RABGAP1L: variants seen among roughly 807,000 people sequenced by gnomAD.
RABGAP1L encodes the protein RAB GTPase activating protein 1 like.
RABGAP1L carries 63 observed loss-of-function variants against 137.7 expected under a neutral mutation model. The ratio of observed to expected loss-of-function variants is 0.46; its 90% CI spans 0.37 to 0.56. The LOEUF (loss-of-function observed/expected upper bound fraction) is 0.56. Among genes scored for constraint, RABGAP1L ranks in the 20% least tolerant of loss-of-function variants. RABGAP1L has a pLI of 0.00. For missense variants in RABGAP1L, 1,095 were observed against 1,244.0 expected (o/e 0.88, Z 1.80); for synonymous variants, 431 against 433.7 (o/e 0.99, Z 0.08).
intron 18 of RABGAP1L, among the ~76,000 whole-genome samples, chr1:174,771,178 A>T (rs1024656490): frequency 6.6e-6 from 1 of 152,204 alleles, no homozygotes; most frequent in African/African-American, 2.4e-5. Context: ...GCAGGATACG[A>T]TTCTGAGGGG....
intron 10 of RABGAP1L, among the ~76,000 whole-genome samples, chr1:174,280,075 G>GAGAGAGAT: frequency 6.6e-6 from 1 of 151,766 alleles, no homozygotes; most frequent in African/African-American, 2.4e-5. Flanking sequence ...GAGAGAGAGA[G>GAGAGAGAT]AGAGAGAGAG....
At chr1:174,931,802 T>A (rs1663836237) in intron 19 of RABGAP1L, among the ~76,000 whole-genome samples, 1 of 152,056 alleles carries the variant, frequency 6.6e-6, no homozygotes, top group Non-Finnish European at 1.5e-5. Flanking sequence ...TATATTGCCT[T>A]TTATTACTTC....
chr1:174,429,297 G>A (rs1457344042), intron 13 of RABGAP1L, among the ~76,000 whole-genome samples: 1 of 152,072 alleles, frequency 6.6e-6, no homozygotes, highest in Non-Finnish European at 1.5e-5. Flanking sequence ...GTTTTTTGAA[G>A]GCATTATATT....
chr1:174,566,482 T>G (rs1204273822), intron 13 of RABGAP1L, among the ~76,000 whole-genome samples: 1 of 152,146 alleles, frequency 6.6e-6, no homozygotes, highest in Non-Finnish European at 1.5e-5. Flanking sequence ...TAAGACTGCA[T>G]AATCCAGCAA....
At chr1:174,736,342 A>T (rs1682941111) in intron 17 of RABGAP1L, among the ~76,000 whole-genome samples, 1 of 152,200 alleles carries the variant, frequency 6.6e-6, no homozygotes, top group South Asian at 2.1e-4. Flanking sequence ...GCTCCTAAAT[A>T]ATCCTTGTTT....
At chr1:174,812,085 C>A in intron 19 of RABGAP1L, 125 bp downstream of exon 19, 2 of 882,538 alleles carry the variant, frequency 2.3e-6, no homozygotes, top group Non-Finnish European at 3.1e-6. Context: ...TGTGTATGAA[C>A]TGATTTCTCC....
chr1:174,477,449 GT>G (rs1483985603), intron 13 of RABGAP1L, among the ~76,000 whole-genome samples: 1 of 152,134 alleles, frequency 6.6e-6, no homozygotes, highest in South Asian at 2.1e-4. Context: ...CTTATTTCTA[GT>G]GTAGAAAGTA....
chr1:174,801,825 T>G (rs1468268536), intron 18 of RABGAP1L, among the ~76,000 whole-genome samples: 1 of 152,180 alleles, frequency 6.6e-6, no homozygotes, highest in Non-Finnish European at 1.5e-5. Flanking sequence ...GCATTTTATT[T>G]CAGGAGTTTT....
At chr1:174,932,593 T>C (rs1329893949) in intron 19 of RABGAP1L, among the ~76,000 whole-genome samples, 1 of 152,202 alleles carries the variant, frequency 6.6e-6, no homozygotes, top group African/African-American at 2.4e-5. Context: ...TGCAAGGTTC[T>C]TTATGTAAAG....
intron 11 of RABGAP1L, among the ~76,000 whole-genome samples, chr1:174,349,539 A>C (rs1442650617): frequency 8.1e-6 from 1 of 122,702 alleles, no homozygotes; most frequent in Non-Finnish European, 1.7e-5. Flanking sequence ...GGCCGGGCAG[A>C]GGCGCCCCTC....
At chr1:174,536,320 C>T (rs1225291539) in intron 13 of RABGAP1L, among the ~76,000 whole-genome samples, 1 of 151,022 alleles carries the variant, frequency 6.6e-6, no homozygotes, top group Non-Finnish European at 1.5e-5. Flanking sequence ...TTTTAACTTT[C>T]TGAAACTGTG....
At chr1:174,503,135 A>T (rs1231746774) in intron 13 of RABGAP1L, among the ~76,000 whole-genome samples, 2 of 152,084 alleles carry the variant, frequency 1.3e-5, no homozygotes, top group Non-Finnish European at 2.9e-5. Flanking sequence ...GCAAACTATG[A>T]CCTGGAGTCC....
intron 17 of RABGAP1L, among the ~76,000 whole-genome samples, chr1:174,738,744 A>G (rs983376336): frequency 6.6e-6 from 1 of 152,240 alleles, no homozygotes; most frequent in African/African-American, 2.4e-5. Context: ...TTTATAGTAT[A>G]GTATTAATGA....
intron 14 of RABGAP1L, among the ~76,000 whole-genome samples, chr1:174,675,626 A>C (rs1677564880): frequency 6.6e-6 from 1 of 152,116 alleles, no homozygotes; most frequent in South Asian, 2.1e-4. Context: ...TTCTGTGAAG[A>C]AAGTCATTGG....
intron 13 of RABGAP1L, among the ~76,000 whole-genome samples, chr1:174,566,407 T>C (rs1417313398): frequency 6.6e-6 from 1 of 152,150 alleles, no homozygotes; most frequent in Admixed American, 6.6e-5. Context: ...GTAATTGTTA[T>C]TCACCCTGCT....
At chr1:174,300,878 G>A (rs1457608953) in intron 10 of RABGAP1L, among the ~76,000 whole-genome samples, 1 of 152,152 alleles carries the variant, frequency 6.6e-6, no homozygotes, top group Non-Finnish European at 1.5e-5. Flanking sequence ...ATGAATGAAT[G>A]AATGAATGAA....
intron 19 of RABGAP1L, among the ~76,000 whole-genome samples, chr1:174,870,066 C>A (rs973966264): frequency 1.3e-5 from 2 of 152,200 alleles, no homozygotes; most frequent in African/African-American, 4.8e-5. Flanking sequence ...ATTCTAAATT[C>A]TGGAGCCCAC....
intron 20 of RABGAP1L, among the ~76,000 whole-genome samples, chr1:174,959,602 C>T (rs1438343152): frequency 1.3e-5 from 2 of 152,166 alleles, no homozygotes; most frequent in African/African-American, 2.4e-5. Flanking sequence ...GCAGGCATTA[C>T]TTTTTAAGTT....
chr1:174,915,581 C>T (rs1451871578), intron 19 of RABGAP1L, among the ~76,000 whole-genome samples: 1 of 152,158 alleles, frequency 6.6e-6, no homozygotes, highest in East Asian at 1.9e-4. Context: ...CTCAGCCTCC[C>T]GAGTAGCTAG....
Sources: allele counts gnomAD v4.1 joint callset (sites outside exome capture counted in the v4.1 genomes callset), GRCh38; gene constraint gnomAD v4.1.1; transcripts MANE v1.5; gene names NCBI Gene and HGNC (gene_info 2026-07-23, HGNC 2026-07-21).